DPP6: variants seen among roughly 807,000 people sequenced by gnomAD.
The protein encoded by DPP6 is dipeptidyl peptidase like 6, also known as A-type potassium channel modulatory protein DPP6.
In DPP6, 69 loss-of-function variants were observed where a neutral mutation model predicts 122.6. The ratio of observed to expected loss-of-function variants is 0.56; its 90% confidence interval spans 0.46 to 0.69. The LOEUF (loss-of-function observed/expected upper bound fraction) is 0.69. Among genes scored for constraint, DPP6 ranks in the 30% least tolerant of loss-of-function variants. The pLI, the probability that DPP6 is intolerant of heterozygous loss-of-function variation, is 0.00. For missense variants in DPP6, 928 were observed against 1,116.9 expected, an observed-to-expected ratio of 0.83 and a Z score of 2.41; for synonymous variants, 418 against 433.1, an observed-to-expected ratio of 0.97 and a Z score of 0.43.
In DPP6 at chr7:154,570,690, C is replaced by T. The variant is rs138161184; in HGVS notation, c.627+3774C>T. Among the ~76,000 whole-genome samples the T allele has an allele frequency of 5.3e-3, 803 of 152,260 alleles. 2 individuals are homozygous for T. The highest frequency in any genetic ancestry group is 6.5e-3 in the Non-Finnish European group (443 of 68,020). On this transcript the variant is annotated intron_variant, in intron 5 of 25. Coordinates refer to ENST00000377770, the MANE Select transcript of DPP6 (RefSeq NM_130797.4). ...AATTAGCATGCTTTTTCCTACTAAA[C>T]TCTTCTAATATTACTAAATGTATAG...
At chr7:154,034,625 C>T (rs1447339462) in intron 1 of DPP6, among the ~76,000 whole-genome samples, 1 of 152,180 alleles carries the variant, frequency 6.6e-6, no homozygotes, top group Non-Finnish European at 1.5e-5. Context: ...GCTCGACAAG[C>T]ATGACTCAGC....
intron 1 of DPP6, among the ~76,000 whole-genome samples, chr7:154,357,956 AAAAAG>A (rs1247134766): frequency 1.6e-4 from 24 of 152,054 alleles, no homozygotes; most frequent in East Asian, 1.2e-3. Context: ...CAAAAAAAAA[AAAAAG>A]AAAAGAAAAG....
chr7:154,026,536 G>A (rs1183236551), intron 1 of DPP6: 2 of 152,176 alleles, frequency 1.3e-5, no homozygotes, highest in African/African-American at 4.8e-5. Flanking sequence ...TGGGCCTGGA[G>A]TGTGATGAGG....
In DPP6 at chr7:154,127,042, C is replaced by T. The variant is rs150605691; in HGVS notation, c.243+73979C>T. ...AGCATAGTTAAATCCATCGTAATTA[C>T]ATTCAGTCAGCTGTATCCCCTCTTC... On this transcript the variant is annotated intron_variant, in intron 1 of 25. Coordinates refer to ENST00000377770, the MANE Select transcript of DPP6 (RefSeq NM_130797.4). Among the ~76,000 whole-genome samples, 523 of 152,288 alleles carry T rather than the reference C, an allele frequency of 3.4e-3. 4 individuals carry two copies. Among genetic ancestry groups the T allele is most frequent in the African/African-American group, 0.012 (489 of 41,562 alleles).
chr7:153,803,452 T>C, the DPP6 span, among the ~76,000 whole-genome samples: 1 of 140,000 alleles, frequency 7.1e-6, no homozygotes, highest in Non-Finnish European at 1.5e-5. Flanking sequence ...CACCCCTTTC[T>C]GCCCCTGCCT....
chr7:154,579,585 G>T (rs1466587668), intron 5 of DPP6, among the ~76,000 whole-genome samples: 2 of 152,176 alleles, frequency 1.3e-5, no homozygotes, highest in African/African-American at 4.8e-5. Flanking sequence ...TTAGAGCCAG[G>T]TAAGGGCCTG....
At chr7:154,846,633 G>A (rs868459456) in intron 16 of DPP6, among the ~76,000 whole-genome samples, 5 of 152,156 alleles carry the variant, frequency 3.3e-5, no homozygotes, top group African/African-American at 7.2e-5. Flanking sequence ...AGTCTTACCC[G>A]TGTGCAAAGA....
At chr7:154,482,041 G>A (rs1415390065) in intron 3 of DPP6, among the ~76,000 whole-genome samples, 1 of 152,184 alleles carries the variant, frequency 6.6e-6, no homozygotes, top group East Asian at 1.9e-4. Flanking sequence ...AAACTTACAA[G>A]CATGTGATTT....
At chr7:154,306,864 C>T (rs1254563137) in intron 1 of DPP6, among the ~76,000 whole-genome samples, 3 of 152,144 alleles carry the variant, frequency 2.0e-5, no homozygotes, top group African/African-American at 7.2e-5. Context: ...AAACCAAACC[C>T]TCCTCCTTTC....
At chr7:154,314,927 C>T (rs1037078395) in intron 1 of DPP6, among the ~76,000 whole-genome samples, 6 of 152,180 alleles carry the variant, frequency 3.9e-5, no homozygotes, top group African/African-American at 1.4e-4. Flanking sequence ...TTGTGTCCTC[C>T]AGGTAAATCA....
chr7:154,788,608 A>C (rs536581181), intron 10 of DPP6, among the ~76,000 whole-genome samples: 2 of 152,358 alleles, frequency 1.3e-5, no homozygotes, highest in South Asian at 4.1e-4. Flanking sequence ...TTTCCTTATT[A>C]CTAGATTATT....
intron 1 of DPP6, among the ~76,000 whole-genome samples, chr7:153,907,212 G>A (rs1799887551): frequency 6.6e-6 from 1 of 152,110 alleles, no homozygotes; most frequent in East Asian, 1.9e-4. Flanking sequence ...GCTGTAAGAT[G>A]GTATCTCATT....
At chr7:154,060,796 G>GC (rs1801722393) in intron 1 of DPP6, among the ~76,000 whole-genome samples, 1 of 93,346 alleles carries the variant, frequency 1.1e-5, no homozygotes, top group African/African-American at 5.9e-5. Context: ...CCCATCACAG[G>GC]AGGGGGACGC....
intron 5 of DPP6, among the ~76,000 whole-genome samples, chr7:154,593,893 A>C (rs772753972): frequency 6.6e-6 from 1 of 152,226 alleles, no homozygotes; most frequent in Non-Finnish European, 1.5e-5. Flanking sequence ...GCAATTATAG[A>C]TTGTCACCAT....
At chr7:153,957,851 A>G (rs531962739) in intron 1 of DPP6, among the ~76,000 whole-genome samples, 1 of 152,336 alleles carries the variant, frequency 6.6e-6, no homozygotes, top group African/African-American at 2.4e-5. Context: ...ACTCACTGTC[A>G]TTAGTGTAGA....
intron 18 of DPP6, among the ~76,000 whole-genome samples, chr7:154,869,173 C>T (rs918771222): frequency 1.3e-5 from 2 of 152,132 alleles, no homozygotes; most frequent in Admixed American, 1.3e-4. Context: ...ATCCCTAGAC[C>T]GTCTCTGGAA....
intron 1 of DPP6, among the ~76,000 whole-genome samples, chr7:153,941,130 T>C (rs754233581): frequency 1.5e-4 from 23 of 152,200 alleles, no homozygotes; most frequent in Non-Finnish European, 2.9e-4. Flanking sequence ...GCTTAATGGG[T>C]TTCTTATGAA....
In DPP6 at chr7:154,063,634, G is replaced by C. The variant is rs539126444; in HGVS notation, c.243+10571G>C. Among the ~76,000 whole-genome samples the C allele has an allele frequency of 1.0e-4, 14 of 136,074 alleles. 1 individual carries two copies. In the East Asian group the frequency reaches 1.7e-3, roughly 17 times the overall value. The allele number at this position is 136,074 out of a possible 152,430, so 89.3% of individuals were successfully genotyped here. A position where few individuals can be genotyped will look rare whatever the true frequency, so the allele number is the denominator to read the frequency against. On this transcript the variant is annotated intron_variant, in intron 1 of 25. Transcript: ENST00000377770. Reference sequence around the variant, plus strand: ...GCACCCCCCACGAGGCAGGGACTGAGAGCCACTCCCTCTTCCCCCTCTGGC... The same window carrying C: ...GCACCCCCCACGAGGCAGGGACTGACAGCCACTCCCTCTTCCCCCTCTGGC...
Position 153,964,798 on chromosome 7 carries a change from TTTCCTTTCCTTTCCTTTCCTTTCC to T in DPP6, c.51+77067_51+77090del, listed in dbSNP as rs915048472. The stretch of plus-strand genomic sequence containing the variant: ...CCGTGGCTCCTTTCCTTTCCTTTCC[TTTCCTTTCCTTTCCTTTCCTTTCC>T]TTTCCTTTTCCTTTTCCTTTTCCTT... On this transcript the variant is annotated intron_variant, in intron 1 of 25. Coordinates refer to the DPP6 transcript ENST00000404039. 5.4e-4 allele frequency among the ~76,000 whole-genome samples: 29 copies of T among 53,804 alleles called. 5 individuals carry two copies. The highest frequency in any genetic ancestry group is 2.5e-3 in the African/African-American group (23 of 9,318). 35.3% of individuals were successfully genotyped at this position (53,804 alleles called of 152,430 possible).
Sources: allele counts gnomAD v4.1 joint callset (sites outside exome capture counted in the v4.1 genomes callset), GRCh38; gene constraint gnomAD v4.1.1; transcripts MANE v1.5; gene names NCBI Gene and HGNC (gene_info 2026-07-23, HGNC 2026-07-21).